GALNT18: variants seen among roughly 807,000 people sequenced by gnomAD.
GALNT18 encodes the protein polypeptide N-acetylgalactosaminyltransferase 18, also known as GalNAc-transferase 18.
Under a neutral mutation model 69.5 loss-of-function variants are expected in GALNT18, and 44 were observed. The ratio of observed to expected loss-of-function variants is 0.63; its 90% CI spans 0.50 to 0.81. The LOEUF (loss-of-function observed/expected upper bound fraction) is 0.81, where lower values mean the gene tolerates loss of function less well. GALNT18 is among the 40% of genes least tolerant of loss of function. The pLI, the probability that GALNT18 is intolerant of heterozygous loss-of-function variation, is 0.00. For missense variants in GALNT18, 715 were observed against 810.0 expected (o/e 0.88, Z 1.42); for synonymous variants, 364 against 318.2 (o/e 1.14, Z -1.53).
rs761788568 is a variant in GALNT18 at position 11,444,300 on chromosome 11, C to A, written c.428+4444G>T. Among the ~76,000 whole-genome samples the A allele has an allele frequency of 1.3e-5, 2 of 152,212 alleles. No individual in the cohort carries two copies. Among genetic ancestry groups the A allele is most frequent in the African/African-American group, 2.4e-5 (1 of 41,458 alleles). On this transcript the variant is annotated intron_variant, in intron 2 of 10. Transcript: ENST00000227756. This position sits in a 1 kb window ranked among gnomAD's most constrained non-coding sequence, Gnocchi z 4.4. ...CAGAGGCACCAGAGGGACAGTGCTT[C>A]TGTGACCATCACATCCAGGCCACTG...
intron 1 of GALNT18, among the ~76,000 whole-genome samples, chr11:11,492,098 G>T (rs151219425): frequency 7.0e-4 from 107 of 152,188 alleles, no homozygotes; most frequent in African/African-American, 2.5e-3. Flanking sequence ...AAAGAAAAAA[G>T]GAAAAAAAAC....
intron 8 of GALNT18, among the ~76,000 whole-genome samples, chr11:11,328,536 T>A (rs1451235962): frequency 6.6e-6 from 1 of 152,218 alleles, no homozygotes; most frequent in Non-Finnish European, 1.5e-5. Flanking sequence ...GCTCCATGCA[T>A]ACCCTGTTCC....
At chr11:11,588,989 A>G (rs1270739592) in intron 1 of GALNT18, among the ~76,000 whole-genome samples, 1 of 152,232 alleles carries the variant, frequency 6.6e-6, no homozygotes, top group East Asian at 1.9e-4. Context: ...AGCTGGCACA[A>G]TACACTAAGC....
In GALNT18 at chr11:11,588,876, C is replaced by G. The variant is rs868667316; in HGVS notation, c.235+32483G>C. 2.0e-5 allele frequency among the ~76,000 whole-genome samples: 3 copies of G among 152,190 alleles called. No homozygotes were observed. In the East Asian group the frequency reaches 5.8e-4, roughly 29 times the overall value. On this transcript the variant is annotated intron_variant, in intron 1 of 10. Coordinates refer to ENST00000227756, the MANE Select transcript of GALNT18 (RefSeq NM_198516.3). ...TTCCCAATACCCAGTTAATTACCAT[C>G]GAACAAGCAGTGCCCATTAGAACTC...
At chr11:11,367,803 C>T (rs1297906582) in intron 6 of GALNT18, among the ~76,000 whole-genome samples, 1 of 152,210 alleles carries the variant, frequency 6.6e-6, no homozygotes, top group Admixed American at 6.5e-5. Flanking sequence ...AGAAATTTAA[C>T]AAGTCTTACA....
Position 11,500,031 on chromosome 11 carries a change from A to G in GALNT18, c.236-51095T>C, listed in dbSNP as rs780091260. Among the ~76,000 whole-genome samples, 18 of 152,242 alleles carry G rather than the reference A, an allele frequency of 1.2e-4. No homozygotes were observed. The highest frequency in any genetic ancestry group is 1.8e-4 in the Non-Finnish European group (12 of 68,042). On this transcript the variant is annotated intron_variant, in intron 1 of 10. Coordinates refer to ENST00000227756, the MANE Select transcript of GALNT18 (RefSeq NM_198516.3). This position sits in a 1 kb window ranked among gnomAD's most constrained non-coding sequence, Gnocchi z 5.0. Reference sequence around the variant, plus strand: ...CTAGAGACACAGAGAAAGAAAAAAGATCAAGAGAAAGGGAGCAAAATCAAA... The same window carrying G: ...CTAGAGACACAGAGAAAGAAAAAAGGTCAAGAGAAAGGGAGCAAAATCAAA...
In GALNT18 at chr11:11,377,677, A is replaced by T. The variant is rs937234940; in HGVS notation, c.780-298T>A. Among the ~76,000 whole-genome samples the T allele has an allele frequency of 2.6e-5, 4 of 151,736 alleles. No homozygotes were observed. The highest frequency in any genetic ancestry group is 9.7e-5 in the African/African-American group (4 of 41,264). Reference sequence around the variant, plus strand: ...CTTTCCCTTTCTCCATTAGAAAAAAAAAAAATCAAGACTCAAAAAAGAAGA... The same window carrying T: ...CTTTCCCTTTCTCCATTAGAAAAAATAAAAATCAAGACTCAAAAAAGAAGA... On this transcript the variant is annotated intron_variant, in intron 4 of 10. Transcript: ENST00000227756. The surrounding 1 kb of genome is among the most constrained non-coding windows in gnomAD (Gnocchi z 4.6).
At chr11:11,517,580 G>T (rs913044685) in intron 1 of GALNT18, among the ~76,000 whole-genome samples, 1 of 152,146 alleles carries the variant, frequency 6.6e-6, no homozygotes, top group South Asian at 2.1e-4. Flanking sequence ...TTTAGCCCTG[G>T]CATCCCTGCT....
intron 5 of GALNT18, among the ~76,000 whole-genome samples, chr11:11,373,326 T>G (rs1400219749): frequency 2.0e-5 from 3 of 152,180 alleles, no homozygotes; most frequent in South Asian, 2.1e-4. Flanking sequence ...AGATAGGAAT[T>G]TTTTAAAGAC....
At chr11:11,349,621 C>T (rs1850363202) in intron 6 of GALNT18, among the ~76,000 whole-genome samples, 2 of 152,174 alleles carry the variant, frequency 1.3e-5, no homozygotes, top group African/African-American at 4.8e-5. Context: ...ACTTTGTCCT[C>T]ACCAAGACAC....
rs569585805 is a variant in GALNT18 at position 11,325,577 on chromosome 11, A to G, written c.1512+1509T>C. On this transcript the variant is annotated intron_variant, in intron 9 of 10. Transcript: ENST00000227756. ...AAGAAGTCAACATAAGAAAATATAT[A>G]TTATATAGTCCTATTTATGTAGAAT... 1.8e-3 allele frequency among the ~76,000 whole-genome samples: 278 copies of G among 152,338 alleles called. 2 individuals carry two copies. Among genetic ancestry groups the G allele is most frequent in the African/African-American group, 6.3e-3 (264 of 41,582 alleles).
intron 1 of GALNT18, among the ~76,000 whole-genome samples, chr11:11,501,072 A>G (rs1856963876): frequency 6.6e-6 from 1 of 152,210 alleles, no homozygotes; most frequent in South Asian, 2.1e-4. Flanking sequence ...TCTCGTTTCC[A>G]CTCACAGAGA....
At chr11:11,499,009 T>C (rs1856923320) in intron 1 of GALNT18, among the ~76,000 whole-genome samples, 1 of 152,250 alleles carries the variant, frequency 6.6e-6, no homozygotes, top group Non-Finnish European at 1.5e-5. Flanking sequence ...CAAATTGTGC[T>C]CTTGGCTGAG....
chr11:11,541,730 G>A lies in GALNT18; in HGVS notation c.235+79629C>T, dbSNP rs1054406518. 1.3e-5 allele frequency among the ~76,000 whole-genome samples: 2 copies of A among 151,468 alleles called. No homozygotes were observed. Reference sequence around the variant, plus strand: ...GCCCCAAAGCGTCGCTAGTAGCCTTGGGGATTCCTCCCTTCAGCCAAGCCT... The same window carrying A: ...GCCCCAAAGCGTCGCTAGTAGCCTTAGGGATTCCTCCCTTCAGCCAAGCCT... On this transcript the variant is annotated intron_variant, in intron 1 of 10. Transcript: ENST00000227756. This position sits in a 1 kb window ranked among gnomAD's most constrained non-coding sequence, Gnocchi z 4.8.
In GALNT18 at chr11:11,361,408, T is replaced by C. The variant is rs552538990; in HGVS notation, c.1092+11107A>G. The stretch of plus-strand genomic sequence containing the variant: ...TAGTAGTAGTACCTACATTTCAAGG[T>C]ACTGCAAGGATTAAGTGAATTAATA... On this transcript the variant is annotated intron_variant, in intron 6 of 10. Coordinates refer to ENST00000227756, the MANE Select transcript of GALNT18 (RefSeq NM_198516.3). Among the ~76,000 whole-genome samples the C allele has an allele frequency of 1.8e-4, 28 of 152,318 alleles. No individual in the cohort carries two copies. The South Asian group carries it at 5.6e-3, about 30-fold the overall frequency.
At position 11,600,238 on chromosome 11, in the gene GALNT18, C is replaced by T. The variant is rs1210445413; in HGVS notation, c.235+21121G>A. 6.6e-6 allele frequency among the ~76,000 whole-genome samples: 1 copy of T among 152,036 alleles called. No homozygotes were observed. Among genetic ancestry groups the T allele is most frequent in the African/African-American group, 2.4e-5 (1 of 41,434 alleles). ...TTACCTTTAGTGGTGCTCTTTGTCT[C>T]TTCTGTGAATTTGAATTACTGTCCT... On this transcript the variant is annotated intron_variant, in intron 1 of 10. Coordinates refer to ENST00000227756, the MANE Select transcript of GALNT18 (RefSeq NM_198516.3). This position sits in a 1 kb window ranked among gnomAD's most constrained non-coding sequence, Gnocchi z 4.8.
intron 9 of GALNT18, among the ~76,000 whole-genome samples, chr11:11,297,518 C>T (rs1849422861): frequency 6.6e-6 from 1 of 152,164 alleles, no homozygotes. Context: ...TCCCTGGGGT[C>T]ACTCCAGCTC....
intron 1 of GALNT18, among the ~76,000 whole-genome samples, chr11:11,607,796 A>G (rs1859790828): frequency 6.6e-6 from 1 of 152,224 alleles, no homozygotes; most frequent in South Asian, 2.1e-4. Context: ...CTCTCCACCA[A>G]GGAGCTAGGA....
Position 11,280,845 on chromosome 11 carries a change from G to C in GALNT18, c.1678-9555C>G, listed in dbSNP as rs1477374091. On this transcript the variant is annotated intron_variant, in intron 10 of 10. Transcript: ENST00000227756. ...CAGCCTCAAGTTGTCCTCTCAAACT[G>C]TGGTCCACCTTGGGTGCCCATCCTG... 2.0e-5 allele frequency among the ~76,000 whole-genome samples: 3 copies of C among 152,312 alleles called. No homozygotes were observed. The South Asian group carries it at 6.2e-4, about 32-fold the overall frequency.
Sources: allele counts gnomAD v4.1 joint callset (sites outside exome capture counted in the v4.1 genomes callset), GRCh38; gene constraint gnomAD v4.1.1; non-coding constraint Gnocchi (gnomAD v3.1); transcripts MANE v1.5; gene names NCBI Gene and HGNC (gene_info 2026-07-23, HGNC 2026-07-21).